Variants in VWF observed in about 807,000 individuals in gnomAD.
VWF encodes von Willebrand factor, also known as Factor VIII related antigen.
VWF carries 176 observed loss-of-function variants against 308.6 expected under a neutral mutation model. The ratio of observed to expected loss-of-function variants is 0.57; its 90% CI spans 0.50 to 0.65. The LOEUF is 0.65. Among genes scored for constraint, VWF ranks in the 30% least tolerant of loss-of-function variants. The pLI, the probability that VWF is intolerant of heterozygous loss-of-function variation, is 0.00. For missense variants in VWF, 3,146 were observed against 3,648.2 expected (o/e 0.86, Z 3.55); for synonymous variants, 1,385 against 1,443.4 (o/e 0.96, Z 0.92).
Position 6,046,676 on chromosome 12 carries a change from T to C in VWF, c.2281+47A>G. 1 of 1,561,954 alleles carries C rather than the reference T, an allele frequency of 6.4e-7. No homozygotes were observed. The highest frequency in any genetic ancestry group is 8.8e-7 in the Non-Finnish European group (1 of 1,132,720). ...CTCCCGCCATTCCACACGTGAGGAATCTGGGCAGGATGGAGTCAATGGGCC... is the reference window on the plus strand; with the variant it reads ...CTCCCGCCATTCCACACGTGAGGAACCTGGGCAGGATGGAGTCAATGGGCC... On this transcript the variant is annotated intron_variant, in intron 17 of 51. Coordinates refer to ENST00000261405, the MANE Select transcript of VWF (RefSeq NM_000552.5). This position sits in a 1 kb window ranked among gnomAD's most constrained non-coding sequence, Gnocchi z 5.0.
At chr12:6,040,690 G>C (rs1944386965) in intron 18 of VWF, among the ~76,000 whole-genome samples, 1 of 152,160 alleles carries the variant, frequency 6.6e-6, no homozygotes, top group Non-Finnish European at 1.5e-5. Context: ...ATTTATCACG[G>C]TGCGGACCAC....
intron 22 of VWF, among the ~76,000 whole-genome samples, chr12:6,028,385 A>T (rs1944219040): frequency 6.6e-6 from 1 of 152,234 alleles, no homozygotes; most frequent in African/African-American, 2.4e-5. Context: ...TGATATTGTC[A>T]TTCAGATTCA....
chr12:6,076,082 T>A (rs1591902813), intron 6 of VWF, among the ~76,000 whole-genome samples: 1 of 151,724 alleles, frequency 6.6e-6, no homozygotes, highest in African/African-American at 2.4e-5. Context: ...TTTTTTTTTT[T>A]AAACACTCCC....
At chr12:5,990,198 T>C (rs1943722424) in intron 38 of VWF, among the ~76,000 whole-genome samples, 1 of 152,222 alleles carries the variant, frequency 6.6e-6, no homozygotes, top group South Asian at 2.1e-4. Context: ...TGGATACCCA[T>C]GCTCCAATGA....
chr12:6,110,947 C>G lies in VWF; in HGVS notation c.242G>C (p.Arg81Thr). The change falls in exon 4 of 52, where the codon AGA (arginine) becomes ACA (threonine). Residue 81 changes from arginine to threonine, a missense_variant. Physicochemically the swap from Arg to Thr is moderately conservative, Grantham distance 71 (BLOSUM62 -1). Coordinates refer to ENST00000261405, the MANE Select transcript of VWF (RefSeq NM_000552.5). ...SIIGDFQNGK[R>T]VSLSVYLGEF... ...CCCAAGATACACGGAGAGGCTCACTCTCTTGCCATTCTGGAAGTCCCCTGA... is the reference window on the plus strand; with the variant it reads ...CCCAAGATACACGGAGAGGCTCACTGTCTTGCCATTCTGGAAGTCCCCTGA... 6.2e-7 allele frequency: 1 copy of G among 1,614,146 alleles called. No homozygotes were observed. The highest frequency in any genetic ancestry group is 8.5e-7 in the Non-Finnish European group (1 of 1,180,018).
Position 6,062,123 on chromosome 12 carries a change from A to G in VWF, c.1533+831T>C, listed in dbSNP as rs544869507. ...TTCAATCTGATAAATACCAATAAAT[A>G]TAATCCTCCTACAAGATCTTGAGGT... On this transcript the variant is annotated intron_variant, in intron 13 of 51. Coordinates refer to ENST00000261405, the MANE Select transcript of VWF (RefSeq NM_000552.5). Among the ~76,000 whole-genome samples, 3 of 152,346 alleles carry G rather than the reference A, an allele frequency of 2.0e-5. No homozygotes were observed. The South Asian group carries it at 6.2e-4, about 32-fold the overall frequency.
At position 5,970,651 on chromosome 12, in the gene VWF, A is replaced by C. The variant is rs1485589684; in HGVS notation, c.7548+948T>G. ...GGGGGAGGTGGAAACTCACCTGAAA[A>C]AGCCCAGTGAGTCATTCTGTTATCA... is the stretch of plus-strand genomic sequence containing the variant. On this transcript the variant is annotated intron_variant, in intron 44 of 51. Coordinates refer to ENST00000261405, the MANE Select transcript of VWF (RefSeq NM_000552.5). 2.0e-5 allele frequency among the ~76,000 whole-genome samples: 3 copies of C among 152,174 alleles called. No individual in the cohort carries two copies. The East Asian group carries it at 5.8e-4, about 29-fold the overall frequency.
In VWF at chr12:5,985,568, G is replaced by GC; in HGVS notation, c.6895dup (p.Ala2299GlyfsTer10). The GC allele has an allele frequency of 6.2e-7, 1 of 1,613,888 alleles. No individual in the cohort carries two copies. Among genetic ancestry groups the GC allele is most frequent in the Non-Finnish European group, 8.5e-7 (1 of 1,180,004 alleles). ...AGGGAGGGGAGGACTCTCACCTTTGGCCGTGGGGCAGGGCTGCGTTGTGCA... is the reference window on the plus strand; with the variant it reads ...AGGGAGGGGAGGACTCTCACCTTTGGCCCGTGGGGCAGGGCTGCGTTGTGCA... On this transcript the variant is annotated frameshift_variant, in exon 39 of 52. Transcript: ENST00000261405. LOFTEE classifies it high-confidence loss of function.
At chr12:5,951,219 T>G (rs1173587838) in intron 50 of VWF, among the ~76,000 whole-genome samples, 3 of 152,152 alleles carry the variant, frequency 2.0e-5, no homozygotes, top group Non-Finnish European at 2.9e-5. Context: ...ATGTGCAGAT[T>G]TGTGTCTCGT....
Position 6,073,756 on chromosome 12 carries a change from C to G in VWF, c.875-15G>C, listed in dbSNP as rs1944807701. The G allele has an allele frequency of 1.2e-6, 2 of 1,613,796 alleles. No individual in the cohort carries two copies. Among genetic ancestry groups the G allele is most frequent in the Middle Eastern group, 1.7e-4 (1 of 6,058 alleles). On this transcript the variant is annotated splice_polypyrimidine_tract_variant and intron_variant, in intron 7 of 51. Coordinates refer to ENST00000261405, the MANE Select transcript of VWF (RefSeq NM_000552.5). Reference sequence around the variant, plus strand: ...GCACACTGGGCCTGAAAAGGAACATCAAAGGGGTCTACCCAGGGCAGGTCC... The same window carrying G: ...GCACACTGGGCCTGAAAAGGAACATGAAAGGGGTCTACCCAGGGCAGGTCC...
intron 47 of VWF, among the ~76,000 whole-genome samples, chr12:5,962,510 C>T (rs181296790): frequency 5.4e-5 from 8 of 147,882 alleles, no homozygotes; most frequent in East Asian, 2.0e-4. Context: ...AGGAGCCTAG[C>T]GATTGGTCCA....
Position 6,024,965 on chromosome 12 carries a change from C to T in VWF, c.3222+615G>A, listed in dbSNP as rs11063992. 3.3e-5 allele frequency among the ~76,000 whole-genome samples: 5 copies of T among 149,492 alleles called. No individual in the cohort carries two copies. Among genetic ancestry groups the T allele is most frequent in the African/African-American group, 1.2e-4 (5 of 40,458 alleles). On this transcript the variant is annotated intron_variant, in intron 24 of 51. Coordinates refer to ENST00000261405, the MANE Select transcript of VWF (RefSeq NM_000552.5). The surrounding 1 kb of genome is among the most constrained non-coding windows in gnomAD (Gnocchi z 4.0). ...TTGAGCCCAGGAGGCAGAGGCTGCA[C>T]TAAGCCAAGATCATGCCATTGCACT...
At chr12:5,970,585 G>A (rs1359372275) in intron 44 of VWF, among the ~76,000 whole-genome samples, 1 of 152,158 alleles carries the variant, frequency 6.6e-6, no homozygotes, top group East Asian at 1.9e-4. Context: ...GTGGGGAGGG[G>A]AGAACACAGG....
chr12:6,052,092 A>G (rs567815816), intron 16 of VWF, among the ~76,000 whole-genome samples: 1 of 152,312 alleles, frequency 6.6e-6, no homozygotes, highest in South Asian at 2.1e-4. Flanking sequence ...ATTTGGAGCT[A>G]TTTTGGGGAA....
intron 32 of VWF, among the ~76,000 whole-genome samples, chr12:6,013,083 T>C (rs1944016760): frequency 6.6e-6 from 1 of 152,220 alleles, no homozygotes; most frequent in Admixed American, 6.5e-5. Context: ...ATCGTATTTC[T>C]AAAGCCCTTT....
chr12:5,971,639 G>T lies in VWF; in HGVS notation c.7508C>A (p.Thr2503Asn). 6.2e-7 allele frequency: 1 copy of T among 1,614,210 alleles called. No individual in the cohort carries two copies. The highest frequency in any genetic ancestry group is 1.1e-5 in the South Asian group (1 of 91,090). The change falls in exon 44 of 52, where the codon ACT (threonine) becomes AAT (asparagine). Residue 2503 changes from threonine to asparagine, a missense_variant. Transcript: ENST00000261405. ...CTGGGAGTCCCCCCGCGGTGAGCCAGTCACCACCTCACAGGCAGATGGCAG... is the reference window on the plus strand; with the variant it reads ...CTGGGAGTCCCCCCGCGGTGAGCCATTCACCACCTCACAGGCAGATGGCAG... ...RCLPSACEVVTGSPRGDSQSS... is the reference protein window; with the variant it reads ...RCLPSACEVVNGSPRGDSQSS...
At chr12:6,031,707 C>T in intron 20 of VWF, 129 bp from the exon 21 acceptor site, 1 of 1,425,448 alleles carries the variant, frequency 7.0e-7, no homozygotes. Flanking sequence ...CATGGCTGCG[C>T]ATATGTGCCT....
intron 13 of VWF, among the ~76,000 whole-genome samples, chr12:6,059,280 C>T (rs904258507): frequency 2.6e-5 from 4 of 152,188 alleles, no homozygotes; most frequent in Admixed American, 6.5e-5. Flanking sequence ...CCCCCAGGAT[C>T]TATCACTTTC....
intron 20 of VWF, among the ~76,000 whole-genome samples, chr12:6,033,099 C>T (rs1308885817): frequency 6.6e-6 from 1 of 152,212 alleles, no homozygotes; most frequent in Non-Finnish European, 1.5e-5. Context: ...AATCTGACCT[C>T]TAAGATTCCA....
Sources: allele counts gnomAD v4.1 joint callset (sites outside exome capture counted in the v4.1 genomes callset), GRCh38; gene constraint gnomAD v4.1.1; non-coding constraint Gnocchi (gnomAD v3.1); transcripts MANE v1.5; gene names NCBI Gene and HGNC (gene_info 2026-07-23, HGNC 2026-07-21).